Variants in ZEB1 observed in about 807,000 individuals in gnomAD.
The protein encoded by ZEB1 is zinc finger E-box-binding homeobox 1.
ZEB1 carries 21 observed loss-of-function variants against 84.9 expected under a neutral mutation model. The observed-to-expected ratio is 0.25, with a 90% confidence interval of 0.18 to 0.36. ZEB1 has a LOEUF of 0.36. Among genes scored for constraint, ZEB1 ranks in the 10% least tolerant of loss-of-function variants. The pLI, the probability that ZEB1 is intolerant of heterozygous loss-of-function variation, is 1.00. For synonymous variants in ZEB1, 420 were observed against 471.1 expected (o/e 0.89, Z 1.41); for missense variants, 1,104 against 1,330.2 (o/e 0.83, Z 2.65).
intron 1 of ZEB1, among the ~76,000 whole-genome samples, chr10:31,442,293 C>T (rs1322932326): frequency 6.6e-6 from 1 of 151,890 alleles, no homozygotes; most frequent in Non-Finnish European, 1.5e-5. Context: ...TCATTCTCAG[C>T]AAACTATCGC....
At chr10:31,466,477 A>G (rs1216545552) in intron 2 of ZEB1, among the ~76,000 whole-genome samples, 2 of 152,214 alleles carry the variant, frequency 1.3e-5, no homozygotes, top group African/African-American at 4.8e-5. Flanking sequence ...AAATTCACAA[A>G]TATGTGGAAA....
chr10:31,363,125 A>T, intron 1 of ZEB1: 2 of 1,533,826 alleles, frequency 1.3e-6, no homozygotes, highest in Non-Finnish European at 1.7e-6. Context: ...GACCTACTTG[A>T]TCCAAGAGCT....
chr10:31,371,145 A>G (rs1443422066), intron 1 of ZEB1, among the ~76,000 whole-genome samples: 2 of 151,876 alleles, frequency 1.3e-5, no homozygotes, highest in South Asian at 4.2e-4. Context: ...GTTATCAGTA[A>G]TGTTATTCAC....
rs2073717928 is a variant in ZEB1 at position 31,527,455 on chromosome 10, AAT to A, written c.*193_*194del. 5.6e-6 allele frequency: 4 copies of A among 720,270 alleles called. No homozygotes were observed. The highest frequency in any genetic ancestry group is 8.7e-6 in the Non-Finnish European group (4 of 460,504). The allele number at this position is 720,270 out of a possible 1,614,324, so 44.6% of individuals were successfully genotyped here. A position where few individuals can be genotyped will look rare whatever the true frequency, so the allele number is the denominator to read the frequency against. On this transcript the variant is annotated 3_prime_UTR_variant, in exon 9 of 9. Transcript: ENST00000424869. ...CACACACACACACACACACACACAAAATAAATCCGGGTGTGCCTGAACCTCAG... is the reference window on the plus strand; with the variant it reads ...CACACACACACACACACACACACAAAAAATCCGGGTGTGCCTGAACCTCAG...
At chr10:31,340,236 C>T (rs2039087504) in intron 1 of ZEB1, among the ~76,000 whole-genome samples, 1 of 151,918 alleles carries the variant, frequency 6.6e-6, no homozygotes, top group African/African-American at 2.4e-5. Context: ...GTTGTTTCTC[C>T]CTTTCCATAC....
intron 1 of ZEB1, among the ~76,000 whole-genome samples, chr10:31,368,150 CTTTATTTA>C (rs917748453): frequency 6.6e-6 from 1 of 151,724 alleles, no homozygotes; most frequent in African/African-American, 2.4e-5. Context: ...CTCTCATGTA[CTTTATTTA>C]TTTATTTATT....
rs560705226 is a variant in ZEB1 at position 31,504,588 on chromosome 10, A to G, written c.484+2079A>G. 7.9e-5 allele frequency among the ~76,000 whole-genome samples: 12 copies of G among 152,272 alleles called. No individual in the cohort carries two copies. In the East Asian group the frequency reaches 2.3e-3, roughly 29 times the overall value. On this transcript the variant is annotated intron_variant, in intron 4 of 8. Coordinates refer to ENST00000424869, the MANE Select transcript of ZEB1 (RefSeq NM_001174096.2). Reference sequence around the variant, plus strand: ...ATGTTAATTCTTCTGATCCATGAGCATGGGATGTCTTTCCATTTACTTGTG... The same window carrying G: ...ATGTTAATTCTTCTGATCCATGAGCGTGGGATGTCTTTCCATTTACTTGTG...
At chr10:31,349,980 A>T (rs1158758070) in intron 1 of ZEB1, among the ~76,000 whole-genome samples, 1 of 152,084 alleles carries the variant, frequency 6.6e-6, no homozygotes, top group Non-Finnish European at 1.5e-5. Flanking sequence ...TCATATTTAG[A>T]AAGTCATTGC....
intron 1 of ZEB1, among the ~76,000 whole-genome samples, chr10:31,411,564 G>A (rs1348741216): frequency 3.3e-5 from 5 of 151,272 alleles, no homozygotes; most frequent in African/African-American, 1.2e-4. Flanking sequence ...CCTGGGAAGC[G>A]GAGCTTGCAG....
chr10:31,440,539 G>A (rs754460102), intron 1 of ZEB1, among the ~76,000 whole-genome samples: 2 of 152,120 alleles, frequency 1.3e-5, no homozygotes, highest in African/African-American at 2.4e-5. Flanking sequence ...TCAACATATT[G>A]TTGGAAATTC....
At chr10:31,326,320 C>T (rs3758455) in intron 1 of ZEB1, among the ~76,000 whole-genome samples, 37,799 of 152,044 alleles carry the variant, frequency 0.25, 10,397 homozygotes, top group African/African-American at 0.69. Flanking sequence ...ATCTCTTTAA[C>T]GTTTTCTCCT....
intron 6 of ZEB1, among the ~76,000 whole-genome samples, chr10:31,516,826 A>G (rs974254500): frequency 2.6e-5 from 4 of 152,064 alleles, no homozygotes; most frequent in African/African-American, 9.7e-5. Context: ...CCACGTAGAT[A>G]CAGTTTAAGT....
intron 6 of ZEB1, among the ~76,000 whole-genome samples, chr10:31,518,886 AATC>A (rs1346331212): frequency 3.9e-5 from 6 of 152,182 alleles, no homozygotes; most frequent in African/African-American, 1.2e-4. Flanking sequence ...TTCTTCAAAT[AATC>A]ATATTTATTA....
chr10:31,458,495 T>C (rs1157435549), intron 1 of ZEB1, among the ~76,000 whole-genome samples: 1 of 152,044 alleles, frequency 6.6e-6, no homozygotes, highest in African/African-American at 2.4e-5. Flanking sequence ...TTCACTCTGC[T>C]TGTAGTGTGG....
chr10:31,444,095 G>GGC (rs2059428227), intron 1 of ZEB1, among the ~76,000 whole-genome samples: 2 of 151,348 alleles, frequency 1.3e-5, no homozygotes, highest in Non-Finnish European at 2.9e-5. Context: ...ACTTTTTAAT[G>GGC]ACTGCCATTC....
chr10:31,457,720 G>A (rs2061398035), intron 1 of ZEB1, among the ~76,000 whole-genome samples: 1 of 152,090 alleles, frequency 6.6e-6, no homozygotes, highest in African/African-American at 2.4e-5. Flanking sequence ...AGCTATGGTT[G>A]ACTTGGGCAG....
chr10:31,464,592 A>T (rs1276994172), intron 2 of ZEB1, among the ~76,000 whole-genome samples: 1 of 152,216 alleles, frequency 6.6e-6, no homozygotes, highest in Non-Finnish European at 1.5e-5. Flanking sequence ...GATCTTCACT[A>T]AGGCACATTA....
chr10:31,329,753 G>A (rs2036367919), intron 1 of ZEB1, among the ~76,000 whole-genome samples: 1 of 152,110 alleles, frequency 6.6e-6, no homozygotes, highest in Non-Finnish European at 1.5e-5. Context: ...TAGTAGATGA[G>A]TGGTAGTATC....
At chr10:31,374,055 G>A (rs986684083) in intron 1 of ZEB1, among the ~76,000 whole-genome samples, 3 of 151,754 alleles carry the variant, frequency 2.0e-5, no homozygotes, top group African/African-American at 7.2e-5. Context: ...CTTTAAGATT[G>A]ATGTTTATCT....
Sources: allele counts gnomAD v4.1 joint callset (sites outside exome capture counted in the v4.1 genomes callset), GRCh38; gene constraint gnomAD v4.1.1; transcripts MANE v1.5; gene names NCBI Gene and HGNC (gene_info 2026-07-23, HGNC 2026-07-21).